SLAMF6: variants seen among roughly 807,000 people sequenced by gnomAD.
SLAMF6 encodes the protein NK-T-B-antigen.
Under a neutral mutation model 38.3 loss-of-function variants are expected in SLAMF6, and 21 were observed. That is an observed-to-expected ratio of 0.55 (90% CI 0.39 to 0.79). The LOEUF is 0.79. SLAMF6 is among the 30% of genes least tolerant of loss of function. SLAMF6 has a pLI of 0.00. For missense variants in SLAMF6, 341 were observed against 385.3 expected, an observed-to-expected ratio of 0.89 and a Z score of 0.96; for synonymous variants, 152 against 146.3, an observed-to-expected ratio of 1.04 and a Z score of -0.28.
At chr1:160,491,089 C>A (rs1257360607) in intron 3 of SLAMF6, 36 bp downstream of exon 3, 1 of 1,610,100 alleles carries the variant, frequency 6.2e-7, no homozygotes, top group Non-Finnish European at 8.5e-7. Context: ...AACCCCATAG[C>A]TGCTCAAGGC....
intron 1 of SLAMF6, among the ~76,000 whole-genome samples, chr1:160,510,885 A>C (rs1654437405): frequency 6.6e-6 from 1 of 152,226 alleles, no homozygotes; most frequent in African/African-American, 2.4e-5. Context: ...AATTCAGCAA[A>C]GTTGCAAGAT....
intron 1 of SLAMF6, among the ~76,000 whole-genome samples, chr1:160,510,534 C>T (rs1448236401): frequency 1.3e-5 from 2 of 151,960 alleles, no homozygotes; most frequent in Non-Finnish European, 2.9e-5. Context: ...TTGAAAAAAA[C>T]CAGCACCTTT....
intron 1 of SLAMF6, among the ~76,000 whole-genome samples, chr1:160,515,604 C>T (rs1654701114): frequency 6.6e-6 from 1 of 152,126 alleles, no homozygotes; most frequent in Non-Finnish European, 1.5e-5. Flanking sequence ...CAAAAATTCT[C>T]AATAAAATAC....
At position 160,522,750 on chromosome 1, in the gene SLAMF6, G is replaced by A. The variant is rs146720022; in HGVS notation, c.49+394C>T. Among the ~76,000 whole-genome samples the A allele has an allele frequency of 5.7e-3, 866 of 152,192 alleles. 7 individuals carry two copies. Among genetic ancestry groups the A allele is most frequent in the Non-Finnish European group, 8.2e-3 (557 of 68,006 alleles). ...ATTTAGATGAGGATAGTGAGGTTCAGGAAGGATAAGTAACCTCCCTGAGGT... is the reference window on the plus strand; with the variant it reads ...ATTTAGATGAGGATAGTGAGGTTCAAGAAGGATAAGTAACCTCCCTGAGGT... On this transcript the variant is annotated intron_variant, in intron 1 of 7. Transcript: ENST00000368057.
Position 160,485,696 on chromosome 1 carries a change from C to T in SLAMF6, c.*1011G>A, listed in dbSNP as rs565252914. 2 of 152,692 alleles carry T rather than the reference C, an allele frequency of 1.3e-5. No homozygotes were observed. Among genetic ancestry groups the T allele is most frequent in the African/African-American group, 4.8e-5 (2 of 41,536 alleles). 9.5% of individuals were successfully genotyped at this position (152,692 alleles called of 1,614,324 possible). ...TTTATATTAAAAACATTACTCTGGC[C>T]ATCTTGTGGAGAGTGGGTTGGAGAG... On this transcript the variant is annotated 3_prime_UTR_variant, in exon 8 of 8. Transcript: ENST00000368057.
chr1:160,502,484 T>C lies in SLAMF6; in HGVS notation c.50-6091A>G, dbSNP rs73014344. 2.2e-3 allele frequency among the ~76,000 whole-genome samples: 335 copies of C among 152,284 alleles called. 1 individual carries two copies. The highest frequency in any genetic ancestry group is 7.6e-3 in the African/African-American group (316 of 41,552). ...TGTGTTTTGGGGAACTCAAATAATA[T>C]CTTAGTCAGCATTGTATTTCCCCAT... On this transcript the variant is annotated intron_variant, in intron 1 of 7. Coordinates refer to ENST00000368057, the MANE Select transcript of SLAMF6 (RefSeq NM_001184714.2).
intron 2 of SLAMF6, among the ~76,000 whole-genome samples, chr1:160,495,722 C>T (rs1653538760): frequency 1.3e-5 from 2 of 152,224 alleles, no homozygotes. Context: ...TCTGTACCTA[C>T]CTCATGGAGT....
At chr1:160,505,915 G>A (rs1245201186) in intron 1 of SLAMF6, among the ~76,000 whole-genome samples, 1 of 152,120 alleles carries the variant, frequency 6.6e-6, no homozygotes, top group Non-Finnish European at 1.5e-5. Flanking sequence ...GTAGGCAGAA[G>A]TAAGAAATAG....
intron 1 of SLAMF6, among the ~76,000 whole-genome samples, chr1:160,498,255 G>A (rs574070980): frequency 6.6e-6 from 1 of 152,080 alleles, no homozygotes; most frequent in South Asian, 2.1e-4. Context: ...AAGTGTATTA[G>A]TGTATTCTGA....
intron 4 of SLAMF6, 114 bp downstream of exon 4, chr1:160,490,461 G>T: frequency 6.9e-7 from 1 of 1,440,002 alleles, no homozygotes; most frequent in Non-Finnish European, 9.4e-7. Context: ...GCCAGGGTTT[G>T]CAGCCTCCCT....
intron 7 of SLAMF6, 54 bp from the exon 8 acceptor site, chr1:160,486,808 C>T: frequency 2.5e-6 from 4 of 1,593,086 alleles, no homozygotes; most frequent in Non-Finnish European, 2.6e-6. Context: ...AACCTCAGCC[C>T]ACCCCTCATA....
intron 1 of SLAMF6, among the ~76,000 whole-genome samples, chr1:160,502,293 C>G (rs1286754375): frequency 6.6e-6 from 1 of 152,144 alleles, no homozygotes; most frequent in Admixed American, 6.5e-5. Context: ...AACTCGTAGG[C>G]TGCTTTGGGG....
At chr1:160,501,905 G>T (rs1362156484) in intron 1 of SLAMF6, among the ~76,000 whole-genome samples, 2 of 152,146 alleles carry the variant, frequency 1.3e-5, no homozygotes. Context: ...GGATGGATGA[G>T]ATGGTAGGAA....
chr1:160,493,922 T>C (rs939595792), intron 2 of SLAMF6, among the ~76,000 whole-genome samples: 10 of 152,028 alleles, frequency 6.6e-5, no homozygotes, highest in African/African-American at 2.4e-4. Flanking sequence ...CTCACTATCA[T>C]GAGAACAGCA....
At chr1:160,490,446 G>T in intron 4 of SLAMF6, 129 bp downstream of exon 4, 1 of 1,347,122 alleles carries the variant, frequency 7.4e-7, no homozygotes. Context: ...CAGTGGACTA[G>T]CTGAGCCAGG....
intron 1 of SLAMF6, among the ~76,000 whole-genome samples, chr1:160,503,413 C>G (rs77721271): frequency 6.6e-6 from 1 of 151,766 alleles, no homozygotes; most frequent in Admixed American, 6.6e-5. Context: ...TTTGCCATTA[C>G]CTTCAATGGG....
chr1:160,522,971 A>T (rs1655057334), intron 1 of SLAMF6, among the ~76,000 whole-genome samples, 173 bp downstream of exon 1: 1 of 152,210 alleles, frequency 6.6e-6, no homozygotes, highest in South Asian at 2.1e-4. Context: ...GGCTTATCGC[A>T]TCCAAAGTTG....
chr1:160,515,918 GAA>G, intron 1 of SLAMF6, among the ~76,000 whole-genome samples: 1 of 152,108 alleles, frequency 6.6e-6, no homozygotes, highest in Admixed American at 6.5e-5. Flanking sequence ...GGCAAAACTG[GAA>G]GCATTTCTTG....
chr1:160,508,789 C>T (rs1379970113), intron 1 of SLAMF6, among the ~76,000 whole-genome samples: 2 of 142,154 alleles, frequency 1.4e-5, no homozygotes, highest in East Asian at 2.1e-4. Flanking sequence ...CTAGAATCTA[C>T]AAAGAATTTA....
Sources: gnomAD v4.1 joint callset for allele counts (sites outside exome capture counted in the v4.1 genomes callset) on GRCh38, gnomAD v4.1.1 for gene constraint, MANE v1.5 for transcripts, NCBI Gene and HGNC (gene_info 2026-07-23, HGNC 2026-07-21) for gene names.